ZNF180: variants seen among roughly 807,000 people sequenced by gnomAD.
The protein encoded by ZNF180 is zinc finger protein 180.
Under a neutral mutation model 11.8 loss-of-function variants are expected in ZNF180, and 11 were observed. That is an observed-to-expected ratio of 0.93 (90% CI 0.59 to 1.55). The LOEUF (loss-of-function observed/expected upper bound fraction) is 1.55. Among genes scored for constraint, ZNF180 ranks in the 40% most tolerant of loss-of-function variants. The pLI is 0.00. For missense variants in ZNF180, 773 were observed against 781.7 expected (o/e 0.99, Z 0.13); for synonymous variants, 287 against 257.7 (o/e 1.11, Z -1.09).
chr19:44,477,720 G>A lies in ZNF180; in HGVS notation c.680C>T (p.Pro227Leu). The A allele has an allele frequency of 6.2e-7, 1 of 1,613,812 alleles. No individual in the cohort carries two copies. Among genetic ancestry groups the A allele is most frequent in the Non-Finnish European group, 8.5e-7 (1 of 1,179,918 alleles). Reference sequence around the variant, plus strand: ...CTGAATAAGGTGAATGCTCTGAGGGGGTTTTCCACATTCATTATTTTCATA... The same window carrying A: ...CTGAATAAGGTGAATGCTCTGAGGGAGTTTTCCACATTCATTATTTTCATA... ...TLYENNECGKPPQSIHLIQFT... is the reference protein window; with the variant it reads ...TLYENNECGKLPQSIHLIQFT... Residue 227 changes from proline to leucine, a missense_variant, in exon 5 of 5, where the codon CCC (proline) becomes CTC (leucine). Pro to Leu is a moderately conservative substitution (Grantham distance 98, BLOSUM62 -3). Coordinates refer to ENST00000592529, the MANE Select transcript of ZNF180 (RefSeq NM_001278509.3).
At position 44,479,327 on chromosome 19, in the gene ZNF180, T is replaced by C; in HGVS notation, c.209A>G (p.Asp70Gly). ...GTGGTTCTCCAGGATCACATCTCTG[T>C]CCAGGGTCCTCTGAGCAGGGTTGCA... is the stretch of plus-strand genomic sequence containing the variant. Reference protein sequence around the residue: ...GTCNPAQRTLDRDVILENHRD... With the variant: ...GTCNPAQRTLGRDVILENHRD... The change falls in exon 4 of 5, where the codon GAC (aspartate) becomes GGC (glycine). Residue 70 changes from aspartate (D) to glycine (G), a missense_variant. Physicochemically the swap from Asp to Gly is moderately conservative, Grantham distance 94. Coordinates refer to ENST00000592529, the MANE Select transcript of ZNF180 (RefSeq NM_001278509.3). 1 of 1,614,060 alleles carries C rather than the reference T, an allele frequency of 6.2e-7. No homozygotes were observed. The highest frequency in any genetic ancestry group is 8.5e-7 in the Non-Finnish European group (1 of 1,179,938).
intron 2 of ZNF180, among the ~76,000 whole-genome samples, chr19:44,486,162 A>G (rs1568429664): frequency 1.3e-5 from 2 of 151,996 alleles, no homozygotes; most frequent in South Asian, 2.1e-4. Context: ...TAAATAATAG[A>G]AAGATGTCTA....
At position 44,476,652 on chromosome 19, in the gene ZNF180, C is replaced by A. The variant is rs372814160; in HGVS notation, c.1748G>T (p.Cys583Phe). The part of the protein sequence containing the change: ...TGEKPYECSQ[C>F]GKSFRQSSCL... Reference sequence around the variant, plus strand: ...TGAACTCTGTCTGAAGGACTTCCCACATTGACTGCATTCATAGGGCTTTTC... The same window carrying A: ...TGAACTCTGTCTGAAGGACTTCCCAAATTGACTGCATTCATAGGGCTTTTC... Residue 583 changes from cysteine (C) to phenylalanine (F), a missense_variant, in exon 5 of 5, where the codon TGT becomes TTT. Cys to Phe is a radical substitution (Grantham distance 205). Coordinates refer to ENST00000592529, the MANE Select transcript of ZNF180 (RefSeq NM_001278509.3). 2 of 1,614,070 alleles carry A rather than the reference C, an allele frequency of 1.2e-6. No homozygotes were observed. Among genetic ancestry groups the A allele is most frequent in the Non-Finnish European group, 1.7e-6 (2 of 1,180,018 alleles).
intron 4 of ZNF180, among the ~76,000 whole-genome samples, chr19:44,478,945 C>T (rs1970004698): frequency 6.6e-6 from 1 of 152,076 alleles, no homozygotes; most frequent in South Asian, 2.1e-4. Context: ...ATATTCTTTC[C>T]CTTGCTCCAA....
intron 4 of ZNF180, among the ~76,000 whole-genome samples, chr19:44,479,037 T>C (rs1970007661): frequency 6.6e-6 from 1 of 152,106 alleles, no homozygotes; most frequent in Non-Finnish European, 1.5e-5. Flanking sequence ...CAAAAGAAAA[T>C]TACTGCAGAA....
At position 44,497,395 on chromosome 19, in the gene ZNF180, T is replaced by C. The variant is rs759138827; in HGVS notation, c.-43-18A>G. ...GAGCTGCACTGAGAGAAGCCCCAAG[T>C]ACAGCATGAAGATGTAGGTCTGCCG... On this transcript the variant is annotated intron_variant, in intron 1 of 4. Coordinates refer to ENST00000592529, the MANE Select transcript of ZNF180 (RefSeq NM_001278509.3). 2 of 1,582,710 alleles carry C rather than the reference T, an allele frequency of 1.3e-6. No homozygotes were observed. The highest frequency in any genetic ancestry group is 1.8e-5 in the Admixed American group (1 of 56,410).
Position 44,476,255 on chromosome 19 carries a change from A to G in ZNF180, c.*147T>C, listed in dbSNP as rs1181882086. On this transcript the variant is annotated 3_prime_UTR_variant, in exon 5 of 5. Coordinates refer to ENST00000592529, the MANE Select transcript of ZNF180 (RefSeq NM_001278509.3). ...ACTTTCCCCCTTTCTTTTCCAGAAC[A>G]AATTTGAGACACACAATTAACAGAG... 1.0e-5 allele frequency: 8 copies of G among 771,092 alleles called. No homozygotes were observed. In the African/African-American group the frequency reaches 1.1e-4, roughly 10 times the overall value. 47.8% of individuals were successfully genotyped at this position (771,092 alleles called of 1,614,324 possible). A position where few individuals can be genotyped will look rare whatever the true frequency, so the allele number is the denominator to read the frequency against.
At chr19:44,479,129 A>G (rs1970010304) in intron 4 of ZNF180, among the ~76,000 whole-genome samples, 154 bp downstream of exon 4, 1 of 152,214 alleles carries the variant, frequency 6.6e-6, no homozygotes, top group African/African-American at 2.4e-5. Flanking sequence ...TACCCTACAA[A>G]CTAAAATTAA....
Position 44,477,065 on chromosome 19 carries a change from T to C in ZNF180, c.1335A>G (p.Lys445=), listed in dbSNP as rs1418719366. The change falls in exon 5 of 5, where the codon AAA becomes AAG. Residue 445 remains lysine, a synonymous_variant. Coordinates refer to ENST00000592529, the MANE Select transcript of ZNF180 (RefSeq NM_001278509.3). ...EKPYECNQCG[K]SFIQSYKLIA... ...TAAGTTTATAGCTCTGGATAAATGA[T>C]TTCCCACATTGATTACATTCATAGG... 3 of 1,613,916 alleles carry C rather than the reference T, an allele frequency of 1.9e-6. No individual in the cohort carries two copies. Among genetic ancestry groups the C allele is most frequent in the Non-Finnish European group, 2.5e-6 (3 of 1,179,880 alleles).
At chr19:44,491,558 T>C (rs1970450833) in intron 2 of ZNF180, among the ~76,000 whole-genome samples, 1 of 148,116 alleles carries the variant, frequency 6.8e-6, no homozygotes, top group South Asian at 2.2e-4. Flanking sequence ...AGAATTTCCA[T>C]CTCACAAAAT....
At position 44,479,429 on chromosome 19, in the gene ZNF180, C is replaced by G; in HGVS notation, c.127-20G>C. On this transcript the variant is annotated intron_variant, in intron 3 of 4. Coordinates refer to ENST00000592529, the MANE Select transcript of ZNF180 (RefSeq NM_001278509.3). ...TCCTTCCTAAAAAAGGACACACATTCCTGCTCAGCTGGGCATCATTTCCTT... is the reference window on the plus strand; with the variant it reads ...TCCTTCCTAAAAAAGGACACACATTGCTGCTCAGCTGGGCATCATTTCCTT... The G allele has an allele frequency of 1.2e-6, 2 of 1,613,008 alleles. No individual in the cohort carries two copies. The highest frequency in any genetic ancestry group is 1.7e-6 in the Non-Finnish European group (2 of 1,179,464).
rs763613148 is a variant in ZNF180 at position 44,500,259 on chromosome 19, C to T, written c.-44+16G>A. 2 of 1,613,616 alleles carry T rather than the reference C, an allele frequency of 1.2e-6. No homozygotes were observed. The highest frequency in any genetic ancestry group is 1.1e-5 in the South Asian group (1 of 91,080). On this transcript the variant is annotated intron_variant, in intron 1 of 4. Transcript: ENST00000592529. ...CGCGCATCGGACACCAAGCGCTGCC[C>T]CACGCCCCTACCAACCTGGGCGTCC... is the stretch of plus-strand genomic sequence containing the variant.
At position 44,497,287 on chromosome 19, in the gene ZNF180, T is replaced by G; in HGVS notation, c.48A>C (p.Ala16=). The part of the protein sequence containing the change: ...EKPPEPPKVC[A]QDSFLPQEII... Reference sequence around the variant, plus strand: ...CAAGCTCTGGGTCTCCACTCACCTGTGCACAGACCTTCGGGGGCTCTGGGG... The same window carrying G: ...CAAGCTCTGGGTCTCCACTCACCTGGGCACAGACCTTCGGGGGCTCTGGGG... The change falls in exon 2 of 5, where the codon GCA becomes GCC. Residue 16 remains alanine (A), a synonymous_variant. Coordinates refer to ENST00000592529, the MANE Select transcript of ZNF180 (RefSeq NM_001278509.3). 1 of 1,591,244 alleles carries G rather than the reference T, an allele frequency of 6.3e-7. No individual in the cohort carries two copies. The highest frequency in any genetic ancestry group is 8.5e-7 in the Non-Finnish European group (1 of 1,172,948).
In ZNF180 at chr19:44,475,332, A is replaced by G. The variant is rs1969835426; in HGVS notation, c.*1070T>C. On this transcript the variant is annotated 3_prime_UTR_variant, in exon 5 of 5. Coordinates refer to ENST00000592529, the MANE Select transcript of ZNF180 (RefSeq NM_001278509.3). ...GAAAGAGACAATGCTACATGAGGGG[A>G]AGAACTAAAACATGAAAATAGAGTT... The G allele has an allele frequency of 1.3e-5, 2 of 152,202 alleles. No individual in the cohort carries two copies. Among genetic ancestry groups the G allele is most frequent in the African/African-American group, 4.8e-5 (2 of 41,420 alleles). The allele number at this position is 152,202 out of a possible 1,614,324, so 9.4% of individuals were successfully genotyped here. A position where few individuals can be genotyped will look rare whatever the true frequency, so the allele number is the denominator to read the frequency against.
At chr19:44,496,545 C>T (rs1819098387) in intron 2 of ZNF180, 1 of 151,202 alleles carries the variant, frequency 6.6e-6, no homozygotes, top group African/African-American at 2.4e-5. Flanking sequence ...TGGTGGTGCC[C>T]ACCTGTAGTC....
intron 2 of ZNF180, among the ~76,000 whole-genome samples, chr19:44,493,115 T>C (rs576609820): frequency 6.6e-6 from 1 of 152,188 alleles, no homozygotes; most frequent in Non-Finnish European, 1.5e-5. Flanking sequence ...CCCCACCTTA[T>C]CATCCATGAA....
chr19:44,485,435 C>G (rs1215818533), intron 2 of ZNF180, among the ~76,000 whole-genome samples: 1 of 152,112 alleles, frequency 6.6e-6, no homozygotes, highest in African/African-American at 2.4e-5. Context: ...TTTATTCTGT[C>G]TAGCTTTTCT....
intron 3 of ZNF180, among the ~76,000 whole-genome samples, chr19:44,479,824 A>G (rs770815993): frequency 3.9e-5 from 6 of 152,222 alleles, no homozygotes; most frequent in African/African-American, 7.2e-5. Flanking sequence ...TTTGCCAGCC[A>G]TACAGTCTCT....
chr19:44,497,557 C>T (rs994161968), intron 1 of ZNF180, among the ~76,000 whole-genome samples, 180 bp from the exon 2 acceptor site: 1 of 152,122 alleles, frequency 6.6e-6, no homozygotes, highest in African/African-American at 2.4e-5. Flanking sequence ...CCCTCAGTCC[C>T]TCTCCCAGGT....
Sources: gnomAD v4.1 joint callset for allele counts (sites outside exome capture counted in the v4.1 genomes callset) on GRCh38, gnomAD v4.1.1 for gene constraint, MANE v1.5 for transcripts, NCBI Gene and HGNC (gene_info 2026-07-23, HGNC 2026-07-21) for gene names.